CAST: variants seen among roughly 807,000 people sequenced by gnomAD.
The protein encoded by CAST is MIR583 host.
In CAST, 76 loss-of-function variants were observed where a neutral mutation model predicts 119.6. The observed-to-expected ratio is 0.64, with a 90% confidence interval of 0.53 to 0.77. The LOEUF is 0.77. Ranked by LOEUF, CAST falls within the 30% of genes least tolerant of loss-of-function variation. CAST has a pLI of 0.00. For synonymous variants in CAST, 319 were observed against 331.6 expected, an observed-to-expected ratio of 0.96 and a Z score of 0.41; for missense variants, 953 against 946.5, an observed-to-expected ratio of 1.01 and a Z score of -0.09.
chr5:96,153,097 A>G, the CAST span, among the ~76,000 whole-genome samples: 1 of 152,222 alleles, frequency 6.6e-6, no homozygotes. Flanking sequence ...AACGTGTGAA[A>G]CATTTCAAAA....
chr5:95,970,698 G>C, the CAST span, among the ~76,000 whole-genome samples: 3 of 152,194 alleles, frequency 2.0e-5, no homozygotes, highest in African/African-American at 7.2e-5. Flanking sequence ...CTAATGAATA[G>C]AAATGTGTTT....
the CAST span, among the ~76,000 whole-genome samples, chr5:96,270,665 A>C: frequency 6.6e-6 from 1 of 152,026 alleles, no homozygotes; most frequent in Non-Finnish European, 1.5e-5. Context: ...ATGAGAACAC[A>C]TGGACACATG....
intron 1 of CAST, among the ~76,000 whole-genome samples, chr5:96,585,812 T>C (rs923136933): frequency 6.6e-6 from 1 of 152,214 alleles, no homozygotes; most frequent in Non-Finnish European, 1.5e-5. Context: ...AGCCAAGCAA[T>C]GGTTTTTGAA....
chr5:96,153,663 T>TAC, the CAST span, among the ~76,000 whole-genome samples: 1 of 152,232 alleles, frequency 6.6e-6, no homozygotes, highest in Non-Finnish European at 1.5e-5. Flanking sequence ...TAGATTATTC[T>TAC]ATAAACATAC....
upstream of CAST, among the ~76,000 whole-genome samples, chr5:96,523,638 G>A (rs1745552670): frequency 6.6e-6 from 1 of 152,208 alleles, no homozygotes; most frequent in African/African-American, 2.4e-5. Flanking sequence ...CAGGCAGGCA[G>A]TGCAGGGCTG....
chr5:95,985,635 A>G, the CAST span, among the ~76,000 whole-genome samples: 2 of 152,222 alleles, frequency 1.3e-5, no homozygotes. Context: ...TAGGACATTT[A>G]CACATTGGAC....
the CAST span, among the ~76,000 whole-genome samples, chr5:96,426,524 C>T: frequency 9.9e-5 from 15 of 152,254 alleles, no homozygotes; most frequent in East Asian, 2.5e-3. Context: ...CTACTGACCA[C>T]GCACACTTAC....
intron 1 of CAST, among the ~76,000 whole-genome samples, chr5:96,605,166 T>C (rs1436076700): frequency 6.6e-6 from 1 of 152,206 alleles, no homozygotes; most frequent in Admixed American, 6.5e-5. Context: ...TTCCAACACA[T>C]TGTGTATGAA....
the CAST span, among the ~76,000 whole-genome samples, chr5:96,203,148 T>G: frequency 3.4e-5 from 5 of 148,318 alleles, no homozygotes; most frequent in Non-Finnish European, 1.5e-5. Context: ...ATGCACAACC[T>G]TTTTTTTTTA....
intron 1 of CAST, among the ~76,000 whole-genome samples, chr5:96,561,792 T>G (rs1444790190): frequency 1.5e-5 from 1 of 65,266 alleles, no homozygotes; most frequent in Non-Finnish European, 2.8e-5. Flanking sequence ...ATATGTTTTT[T>G]TTTGTTTTTT....
the CAST span, among the ~76,000 whole-genome samples, chr5:96,211,418 C>T: frequency 2.0e-5 from 3 of 151,898 alleles, no homozygotes; most frequent in African/African-American, 2.4e-5. Flanking sequence ...TTTCTTTAGT[C>T]TGTTAAATGG....
At chr5:96,607,109 A>G (rs1747272870) in intron 1 of CAST, among the ~76,000 whole-genome samples, 1 of 152,122 alleles carries the variant, frequency 6.6e-6, no homozygotes, top group Admixed American at 6.5e-5. Context: ...TATCACAGGG[A>G]AAACCCATCT....
At chr5:96,608,801 G>A (rs1561429018) in intron 1 of CAST, among the ~76,000 whole-genome samples, 1 of 152,158 alleles carries the variant, frequency 6.6e-6, no homozygotes, top group Non-Finnish European at 1.5e-5. Context: ...TGAAGAGGAA[G>A]GAGGCACATC....
At chr5:96,362,641 G>A in the CAST span, among the ~76,000 whole-genome samples, 1,073 of 152,138 alleles carry the variant, frequency 7.1e-3, 11 homozygotes, top group African/African-American at 0.025. Context: ...TCTTTTCAGA[G>A]GTGTCTGTTC....
At chr5:96,034,785 G>A in the CAST span, among the ~76,000 whole-genome samples, 3 of 150,368 alleles carry the variant, frequency 2.0e-5, no homozygotes, top group South Asian at 4.2e-4. Context: ...CAACCACCCC[G>A]ACCCCTGATA....
At chr5:96,238,173 G>T in the CAST span, among the ~76,000 whole-genome samples, 1 of 151,888 alleles carries the variant, frequency 6.6e-6, no homozygotes, top group Non-Finnish European at 1.5e-5. Flanking sequence ...CTTTTAGGTT[G>T]TTCTCTTTCC....
the CAST span, among the ~76,000 whole-genome samples, chr5:96,325,378 CTTCTTTCT>C: frequency 6.7e-6 from 1 of 149,958 alleles, no homozygotes; most frequent in South Asian, 2.1e-4. Context: ...TCTTTTCTTT[CTTCTTTCT>C]TTCTTTCTTT....
the CAST span, chr5:96,400,324 T>C: frequency 1.4e-6 from 1 of 693,748 alleles, no homozygotes; most frequent in Non-Finnish European, 2.6e-6. Flanking sequence ...CTAGTGTCTA[T>C]TACTGTTCAT....
chr5:96,114,382 A>G, the CAST span, among the ~76,000 whole-genome samples: 1 of 152,206 alleles, frequency 6.6e-6, no homozygotes, highest in Non-Finnish European at 1.5e-5. Context: ...TTGTATGTAC[A>G]TTGAAGTTTG....
Sources: allele counts gnomAD v4.1 joint callset (sites outside exome capture counted in the v4.1 genomes callset), GRCh38; gene constraint gnomAD v4.1.1; transcripts MANE v1.5; gene names NCBI Gene and HGNC (gene_info 2026-07-23, HGNC 2026-07-21).